The following ZER1 variants were observed in gnomAD, a reference collection of about 807,000 sequenced individuals.
The protein encoded by ZER1 is protein zer-1 homolog.
Under a neutral mutation model 78.8 loss-of-function variants are expected in ZER1, and 11 were observed. The observed-to-expected ratio is 0.14, with a 90% CI of 0.09 to 0.23. The LOEUF (loss-of-function observed/expected upper bound fraction) is 0.23, where lower values mean the gene tolerates loss of function less well. ZER1 is among the 10% of genes least tolerant of loss of function. The pLI, the probability that ZER1 is intolerant of heterozygous loss-of-function variation, is 1.00. For missense variants in ZER1, 588 were observed against 996.9 expected, an observed-to-expected ratio of 0.59 and a Z score of 5.52; for synonymous variants, 400 against 407.0, an observed-to-expected ratio of 0.98 and a Z score of 0.21.
intron 8 of ZER1, among the ~76,000 whole-genome samples, chr9:128,749,439 G>A (rs1375079749): frequency 6.6e-6 from 1 of 152,140 alleles, no homozygotes; most frequent in Non-Finnish European, 1.5e-5. Context: ...ATGTTAGGAC[G>A]TTGGCATATT....
In ZER1 at chr9:128,765,022, T is replaced by C. The variant is rs537625733; in HGVS notation, c.-95+6559A>G. Among the ~76,000 whole-genome samples the C allele has an allele frequency of 1.8e-4, 27 of 152,268 alleles. No homozygotes were observed. The South Asian group carries it at 4.8e-3, about 27-fold the overall frequency. ...CCATGTTGGCTGCTTCCAGATGTGG[T>C]CCTAAGCTCCTTACAGGCTTTACTC... On this transcript the variant is annotated intron_variant, in intron 1 of 15. Coordinates refer to ENST00000291900, the MANE Select transcript of ZER1 (RefSeq NM_006336.4).
In ZER1 at chr9:128,754,819, T is replaced by C. The variant is rs1392122040; in HGVS notation, c.158+589A>G. ...AATTACACGTGTGAGCCACCATGCC[T>C]GGCCACCATCTGGGCCTGTAGATTG... is the stretch of plus-strand genomic sequence containing the variant. On this transcript the variant is annotated intron_variant, in intron 2 of 15. Transcript: ENST00000291900. The surrounding 1 kb of genome is among the most constrained non-coding windows in gnomAD (Gnocchi z 4.3). 1.3e-5 allele frequency among the ~76,000 whole-genome samples: 2 copies of C among 152,134 alleles called. No individual in the cohort carries two copies. The highest frequency in any genetic ancestry group is 2.9e-5 in the Non-Finnish European group (2 of 68,012).
At chr9:128,763,816 C>G (rs1048484522) in intron 1 of ZER1, among the ~76,000 whole-genome samples, 2 of 152,072 alleles carry the variant, frequency 1.3e-5, no homozygotes, top group African/African-American at 2.4e-5. Context: ...GGTGAAACTC[C>G]GTCTCTACTA....
At position 128,753,480 on chromosome 9, in the gene ZER1, A is replaced by G; in HGVS notation, c.430T>C (p.Tyr144His). ...CAGCCCCCTGGGTTCTCCTCCTCATAGAAAATGTTTGTACAGCCGAAGAGG... is the reference window on the plus strand; with the variant it reads ...CAGCCCCCTGGGTTCTCCTCCTCATGGAAAATGTTTGTACAGCCGAAGAGG... The part of the protein sequence containing the change: ...LSLFGCTNIF[Y>H]EEENPGGCED... Residue 144 changes from tyrosine (Y) to histidine (H), a missense_variant, in exon 4 of 16, where the codon TAT becomes CAT. Physicochemically the swap from Tyr to His is moderately conservative, Grantham distance 83 (BLOSUM62 2). Around this residue, in one of 3 missense-constraint regions of ZER1, gnomAD observed 406 missense variants for 660.1 expected, o/e 0.62. Transcript: ENST00000291900. This position sits in a 1 kb window ranked among gnomAD's most constrained non-coding sequence, Gnocchi z 7.5. 6.2e-7 allele frequency: 1 copy of G among 1,614,114 alleles called. No homozygotes were observed. Among genetic ancestry groups the G allele is most frequent in the Non-Finnish European group, 8.5e-7 (1 of 1,180,000 alleles).
intron 15 of ZER1, chr9:128,733,218 G>A (rs532015522): frequency 2.5e-5 from 13 of 510,338 alleles, no homozygotes; most frequent in South Asian, 6.2e-5. Flanking sequence ...GCTCCGTTCC[G>A]AGCTTGGTCA....
rs1554784894 is a variant in ZER1 at position 128,734,177 on chromosome 9, A to ATAT, written c.2141-650_2141-649insATA. Among the ~76,000 whole-genome samples the ATAT allele has an allele frequency of 9.1e-3, 477 of 52,532 alleles. 9 individuals carry two copies. Among genetic ancestry groups the ATAT allele is most frequent in the East Asian group, 0.036 (44 of 1,210 alleles). 34.5% of individuals were successfully genotyped at this position (52,532 alleles called of 152,430 possible). A position where few individuals can be genotyped will look rare whatever the true frequency, so the allele number is the denominator to read the frequency against. On this transcript the variant is annotated intron_variant, in intron 14 of 15. Coordinates refer to ENST00000291900, the MANE Select transcript of ZER1 (RefSeq NM_006336.4). ...TATATATATATAAAATCTTAAAAAAAATATATATATATATATAATAGATAT... is the reference window on the plus strand; with the variant it reads ...TATATATATATAAAATCTTAAAAAAATATATATATATATATATATAATAGATAT...
In ZER1 at chr9:128,751,159, CG is replaced by C; in HGVS notation, c.1147del (p.Arg383AlafsTer12). 6.2e-7 allele frequency: 1 copy of C among 1,603,614 alleles called. No homozygotes were observed. The highest frequency in any genetic ancestry group is 8.5e-7 in the Non-Finnish European group (1 of 1,172,940). On this transcript the variant is annotated frameshift_variant, in exon 7 of 16. Transcript: ENST00000291900. LOFTEE classifies it high-confidence loss of function. This position sits in a 1 kb window ranked among gnomAD's most constrained non-coding sequence, Gnocchi z 5.4. Reference sequence around the variant, plus strand: ...CAGCAGCTGGTTGCAACGCTCGATGCGGGCGATGTCAAAAAGCAAGTTGATG... The same window carrying C: ...CAGCAGCTGGTTGCAACGCTCGATGCGGCGATGTCAAAAAGCAAGTTGATG... ...RAINLLFDIA[R>X]IERCNQLLRA...
chr9:128,751,176 C>T lies in ZER1; in HGVS notation c.1131G>A (p.Leu377=), dbSNP rs1311156718. The change falls in exon 7 of 16, where the codon TTG becomes TTA. Residue 377 remains leucine, a synonymous_variant. Transcript: ENST00000291900. The surrounding 1 kb of genome is among the most constrained non-coding windows in gnomAD (Gnocchi z 5.4). The stretch of plus-strand genomic sequence containing the variant: ...GCTCGATGCGGGCGATGTCAAAAAG[C>T]AAGTTGATGGCCCGCGAGGTGATCT... The part of the protein sequence containing the change: ...RPEITSRAIN[L]LFDIARIERC... 6.2e-7 allele frequency: 1 copy of T among 1,607,694 alleles called. No individual in the cohort carries two copies. The highest frequency in any genetic ancestry group is 8.5e-7 in the Non-Finnish European group (1 of 1,175,256).
chr9:128,759,727 G>A (rs1016310649), intron 1 of ZER1, among the ~76,000 whole-genome samples: 27 of 152,008 alleles, frequency 1.8e-4, no homozygotes, highest in Non-Finnish European at 1.0e-4. Context: ...CCCAGGAGGC[G>A]GAGCTTGCAG....
Position 128,740,803 on chromosome 9 carries a change from G to T in ZER1, c.1822C>A (p.Leu608Ile). ...VAEVKELRPQ[L>I]MTSQFISVFS... is the part of the protein sequence containing the mutation. The stretch of plus-strand genomic sequence containing the variant: ...ACGCTGATGAACTGGGAAGTCATTA[G>T]TTGAGGCCTCAGCTCCTTCACTTCT... The change falls in exon 12 of 16, where the codon CTA becomes ATA. Residue 608 changes from leucine (L) to isoleucine (I), a missense_variant. Around this residue, in one of 3 missense-constraint regions of ZER1, gnomAD observed 60 missense variants for 163.3 expected, o/e 0.37. Transcript: ENST00000291900. The surrounding 1 kb of genome is among the most constrained non-coding windows in gnomAD (Gnocchi z 4.4). 1.3e-6 allele frequency: 1 copy of T among 781,096 alleles called. No individual in the cohort carries two copies. Among genetic ancestry groups the T allele is most frequent in the Non-Finnish European group, 2.4e-6 (1 of 418,134 alleles). 48.4% of individuals were successfully genotyped at this position (781,096 alleles called of 1,614,324 possible). A position where few individuals can be genotyped will look rare whatever the true frequency, so the allele number is the denominator to read the frequency against.
At chr9:128,731,957 G>A (rs923133197) in intron 15 of ZER1, among the ~76,000 whole-genome samples, 3 of 152,188 alleles carry the variant, frequency 2.0e-5, no homozygotes, top group African/African-American at 7.2e-5. Context: ...CCTGACCCCT[G>A]CCACCCATCA....
Position 128,755,825 on chromosome 9 carries a change from C to G in ZER1, c.-94-166G>C, listed in dbSNP as rs530156981. ...CCTTCTTTCACCCGCCTCTGCTGTG[C>G]CACTATCTATGCACAATTTGACCTG... is the stretch of plus-strand genomic sequence containing the variant. On this transcript the variant is annotated intron_variant, in intron 1 of 15. Transcript: ENST00000291900. The surrounding 1 kb of genome is among the most constrained non-coding windows in gnomAD (Gnocchi z 5.6). 1.6e-4 allele frequency among the ~76,000 whole-genome samples: 24 copies of G among 152,348 alleles called. No individual in the cohort carries two copies. The highest frequency in any genetic ancestry group is 5.8e-4 in the African/African-American group (24 of 41,582).
chr9:128,750,359 TGAG>T (rs757707864), intron 8 of ZER1, among the ~76,000 whole-genome samples: 5 of 152,194 alleles, frequency 3.3e-5, no homozygotes, highest in Admixed American at 1.3e-4. Flanking sequence ...GCAGAAGGGC[TGAG>T]GAGACGGCAC....
Position 128,753,420 on chromosome 9 carries a change from C to T in ZER1, c.490G>A (p.Val164Met), listed in dbSNP as rs1863751603. 1 of 1,614,086 alleles carries T rather than the reference C, an allele frequency of 6.2e-7. No homozygotes were observed. The highest frequency in any genetic ancestry group is 8.5e-7 in the Non-Finnish European group (1 of 1,180,040). Residue 164 changes from valine (V) to methionine (M), a missense_variant, in exon 4 of 16, where the codon GTG becomes ATG. Physicochemically the swap from Val to Met is conservative, Grantham distance 21. Transcript: ENST00000291900. The surrounding 1 kb of genome is among the most constrained non-coding windows in gnomAD (Gnocchi z 7.5). ...DEYLVNPTCQ[V>M]LVKDFTFEGF... Reference sequence around the variant, plus strand: ...TCGAAGGTGAAATCCTTAACCAGCACCTGGCAGGTGGGGTTGACGAGGTAC... The same window carrying T: ...TCGAAGGTGAAATCCTTAACCAGCATCTGGCAGGTGGGGTTGACGAGGTAC...
intron 1 of ZER1, among the ~76,000 whole-genome samples, chr9:128,766,681 A>G (rs1469505700): frequency 6.6e-6 from 1 of 151,854 alleles, no homozygotes; most frequent in African/African-American, 2.4e-5. Context: ...CTCCATCTCT[A>G]TTAAAAATAC....
rs746035810 is a variant in ZER1 at position 128,731,349 on chromosome 9, G to A, written c.2289C>T (p.Asp763=). 1 of 1,594,010 alleles carries A rather than the reference G, an allele frequency of 6.3e-7. No homozygotes were observed. Among genetic ancestry groups the A allele is most frequent in the South Asian group, 1.1e-5 (1 of 90,606 alleles). ...GGGACGGAGGCCTCTATCTAGACGTGTCCATGTTCTCCTCTTTAAAGTTAC... is the reference window on the plus strand; with the variant it reads ...GGGACGGAGGCCTCTATCTAGACGTATCCATGTTCTCCTCTTTAAAGTTAC... The part of the protein sequence containing the change: ...HCSNFKEENM[D]TSR Residue 763 remains aspartate (D), a synonymous_variant, in exon 16 of 16, where the codon GAC becomes GAT. Coordinates refer to ENST00000291900, the MANE Select transcript of ZER1 (RefSeq NM_006336.4).
At chr9:128,757,765 G>T (rs1405152198) in intron 1 of ZER1, among the ~76,000 whole-genome samples, 2 of 152,122 alleles carry the variant, frequency 1.3e-5, no homozygotes, top group Non-Finnish European at 2.9e-5. Context: ...CCACAGGGCT[G>T]GCGGCAGGGC....
intron 5 of ZER1, among the ~76,000 whole-genome samples, chr9:128,752,049 C>A (rs141404515): frequency 5.3e-5 from 8 of 152,342 alleles, no homozygotes; most frequent in African/African-American, 1.9e-4. Flanking sequence ...CATGCTCTCA[C>A]CTACTGGCCT....
rs1005698076 is a variant in ZER1, at chr9:128,732,189, G to A, written c.2244-795C>T. Among the ~76,000 whole-genome samples, 1 of 152,220 alleles carries A rather than the reference G, an allele frequency of 6.6e-6. No individual in the cohort carries two copies. Among genetic ancestry groups the A allele is most frequent in the Non-Finnish European group, 1.5e-5 (1 of 68,026 alleles). ...TGCTGTCAGACAGGCCAGTGCCTCA[G>A]ATTCCCATCACAGGCCTTGGAGAAA... On this transcript the variant is annotated intron_variant, in intron 15 of 15. Transcript: ENST00000291900. The surrounding 1 kb of genome is among the most constrained non-coding windows in gnomAD (Gnocchi z 4.8).
Sources: gnomAD v4.1 joint callset for allele counts (sites outside exome capture counted in the v4.1 genomes callset) on GRCh38, gnomAD v4.1.1 for gene constraint, gnomAD v4.1.1 regional missense constraint, Gnocchi (gnomAD v3.1) non-coding constraint, MANE v1.5 for transcripts, NCBI Gene and HGNC (gene_info 2026-07-23, HGNC 2026-07-21) for gene names.